The following ELOVL6 variants were observed in gnomAD, a reference collection of about 807,000 sequenced individuals.
The protein encoded by ELOVL6 is ELOVL fatty acid elongase 6.
In ELOVL6, 8 loss-of-function variants were observed where a neutral mutation model predicts 31.7. The observed-to-expected ratio is 0.25, with a 90% CI of 0.15 to 0.45. ELOVL6 has a LOEUF of 0.45. ELOVL6 is among the 20% of genes least tolerant of loss of function. The probability of loss-of-function intolerance (pLI) is 1.00; values close to 1 mark genes in which losing one functional copy is unlikely to be tolerated. For synonymous variants in ELOVL6, 101 were observed against 117.7 expected (o/e 0.86, Z 0.92); for missense variants, 126 against 326.4 (o/e 0.39, Z 4.73).
intron 1 of ELOVL6, among the ~76,000 whole-genome samples, chr4:110,145,618 T>C (rs748230378): frequency 3.3e-5 from 5 of 152,192 alleles, no homozygotes; most frequent in Non-Finnish European, 5.9e-5. Flanking sequence ...TTCAGCTCTA[T>C]GACCTTGCAG....
Position 110,084,166 on chromosome 4 carries a change from GAT to G in ELOVL6, c.221+21329_221+21330del, listed in dbSNP as rs1491528214. Among the ~76,000 whole-genome samples, 34 of 33,156 alleles carry G rather than the reference GAT, an allele frequency of 1.0e-3. 1 individual carries two copies. The highest frequency in any genetic ancestry group is 2.8e-3 in the African/African-American group (8 of 2,888). 21.8% of individuals were successfully genotyped at this position (33,156 alleles called of 152,430 possible). A position where few individuals can be genotyped will look rare whatever the true frequency, so the allele number is the denominator to read the frequency against. ...TATATGATATATATAACATATATGT[GAT>G]ATATATGATATATATAACATATAAC... is the stretch of plus-strand genomic sequence containing the variant. On this transcript the variant is annotated intron_variant, in intron 2 of 3. Coordinates refer to ENST00000302274, the MANE Select transcript of ELOVL6 (RefSeq NM_024090.3).
At position 110,050,122 on chromosome 4, in the gene ELOVL6, T is replaced by G. The variant is rs770678792; in HGVS notation, c.*1216A>C. 1 of 152,584 alleles carries G rather than the reference T, an allele frequency of 6.6e-6. No individual in the cohort carries two copies. The highest frequency in any genetic ancestry group is 1.5e-5 in the Non-Finnish European group (1 of 68,024). The allele number at this position is 152,584 out of a possible 1,614,324, so 9.5% of individuals were successfully genotyped here. ...TTGAAGTTTGTTGTAGTATTGCCACTCAGCCAGCAGAGGGCCCTTTAAACA... is the reference window on the plus strand; with the variant it reads ...TTGAAGTTTGTTGTAGTATTGCCACGCAGCCAGCAGAGGGCCCTTTAAACA... On this transcript the variant is annotated 3_prime_UTR_variant, in exon 4 of 4. Coordinates refer to ENST00000302274, the MANE Select transcript of ELOVL6 (RefSeq NM_024090.3).
At chr4:110,168,780 AC>A (rs1046916997) in intron 1 of ELOVL6, among the ~76,000 whole-genome samples, 12 of 152,230 alleles carry the variant, frequency 7.9e-5, no homozygotes, top group African/African-American at 2.9e-4. Context: ...TCTGCCAATC[AC>A]CAGGTGTCCC....
intron 2 of ELOVL6, among the ~76,000 whole-genome samples, chr4:110,095,500 G>C (rs1368673819): frequency 6.7e-6 from 1 of 149,146 alleles, no homozygotes; most frequent in Non-Finnish European, 1.5e-5. Flanking sequence ...AAAAAAAAAG[G>C]CATGAAATTA....
chr4:110,157,639 C>A (rs1357793322), intron 1 of ELOVL6, among the ~76,000 whole-genome samples: 1 of 151,896 alleles, frequency 6.6e-6, no homozygotes, highest in African/African-American at 2.4e-5. Flanking sequence ...CCACTGCACT[C>A]CAGCCTGGGT....
intron 2 of ELOVL6, among the ~76,000 whole-genome samples, chr4:110,083,459 G>A (rs1439454089): frequency 2.0e-5 from 3 of 151,680 alleles, no homozygotes; most frequent in African/African-American, 7.3e-5. Flanking sequence ...CCAGAGGCTG[G>A]CGGTGATGGG....
At chr4:110,084,357 TAC>T (rs1211662861) in intron 2 of ELOVL6, among the ~76,000 whole-genome samples, 3 of 102,894 alleles carry the variant, frequency 2.9e-5, no homozygotes, top group African/African-American at 1.0e-4. Flanking sequence ...ATATGATATA[TAC>T]CGCATATATG....
intron 1 of ELOVL6, among the ~76,000 whole-genome samples, chr4:110,192,392 G>A (rs1759650426): frequency 6.6e-6 from 1 of 151,984 alleles, no homozygotes; most frequent in East Asian, 1.9e-4. Context: ...AAACAACAGT[G>A]AAATACTATG....
At chr4:110,142,663 G>A (rs1757997408) in intron 1 of ELOVL6, among the ~76,000 whole-genome samples, 1 of 152,062 alleles carries the variant, frequency 6.6e-6, no homozygotes, top group Non-Finnish European at 1.5e-5. Flanking sequence ...CCTCCTTCAG[G>A]TAGATCATGC....
chr4:110,052,144 C>T (rs1195298362), intron 3 of ELOVL6, among the ~76,000 whole-genome samples: 1 of 152,180 alleles, frequency 6.6e-6, no homozygotes, highest in Non-Finnish European at 1.5e-5. Flanking sequence ...ACTCCCAACT[C>T]AACTATACAT....
chr4:110,138,679 T>A, intron 1 of ELOVL6, among the ~76,000 whole-genome samples: 1 of 149,320 alleles, frequency 6.7e-6, no homozygotes, highest in Non-Finnish European at 1.5e-5. Context: ...AACACTAGAG[T>A]TTGGTGTATG....
intron 1 of ELOVL6, among the ~76,000 whole-genome samples, chr4:110,149,859 TA>T (rs1758233314): frequency 6.6e-6 from 1 of 152,158 alleles, no homozygotes; most frequent in Admixed American, 6.5e-5. Flanking sequence ...ACCCCAAAAA[TA>T]ATTAATAAAT....
chr4:110,170,512 G>A (rs1758912841), intron 1 of ELOVL6, among the ~76,000 whole-genome samples: 1 of 152,218 alleles, frequency 6.6e-6, no homozygotes, highest in Non-Finnish European at 1.5e-5. Flanking sequence ...ATCCCTAGCT[G>A]AGGCTAAACC....
chr4:110,141,317 C>T (rs1478602439), intron 1 of ELOVL6, among the ~76,000 whole-genome samples: 1 of 152,166 alleles, frequency 6.6e-6, no homozygotes, highest in Non-Finnish European at 1.5e-5. Flanking sequence ...CCTGCCTTGG[C>T]CTCCTAAAGT....
At chr4:110,097,555 C>T (rs1407783272) in intron 2 of ELOVL6, among the ~76,000 whole-genome samples, 2 of 152,130 alleles carry the variant, frequency 1.3e-5, no homozygotes, top group East Asian at 3.9e-4. Context: ...GTGGGTGCTT[C>T]ACTTTTCTCT....
chr4:110,198,026 T>C (rs1759865879), intron 1 of ELOVL6: 4 of 609,604 alleles, frequency 6.6e-6, no homozygotes, highest in Admixed American at 2.9e-5. Context: ...AAGATGCCTA[T>C]GTAGCCGCGG....
At chr4:110,062,090 G>C (rs1049149482) in intron 2 of ELOVL6, among the ~76,000 whole-genome samples, 6 of 152,180 alleles carry the variant, frequency 3.9e-5, no homozygotes, top group African/African-American at 1.4e-4. Context: ...GCTAGTGAGT[G>C]GTAGTCCTAG....
At chr4:110,130,893 A>C (rs142463584) in intron 1 of ELOVL6, among the ~76,000 whole-genome samples, 1 of 152,238 alleles carries the variant, frequency 6.6e-6, no homozygotes, top group African/African-American at 2.4e-5. Flanking sequence ...ATTTAAATGC[A>C]TACAAACATA....
intron 1 of ELOVL6, among the ~76,000 whole-genome samples, chr4:110,134,378 A>G (rs548925690): frequency 6.6e-6 from 1 of 152,182 alleles, no homozygotes; most frequent in Non-Finnish European, 1.5e-5. Flanking sequence ...TGGGAGGGAT[A>G]GAAGTATTAA....
Sources: gnomAD v4.1 joint callset for allele counts (sites outside exome capture counted in the v4.1 genomes callset) on GRCh38, gnomAD v4.1.1 for gene constraint, MANE v1.5 for transcripts, NCBI Gene and HGNC (gene_info 2026-07-23, HGNC 2026-07-21) for gene names.